The following RSPO2 variants were observed in gnomAD, a reference collection of about 807,000 sequenced individuals.
RSPO2 encodes the protein R-spondin-2.
A neutral mutation model predicts 30.9 loss-of-function variants in RSPO2; 14 were observed. That is an observed-to-expected ratio of 0.45 (90% confidence interval 0.30 to 0.71). The LOEUF is 0.71. RSPO2 is among the 30% of genes least tolerant of loss of function. RSPO2 has a pLI of 0.08. For synonymous variants in RSPO2, 107 were observed against 96.4 expected, an observed-to-expected ratio of 1.11 and a Z score of -0.64; for missense variants, 264 against 301.9, an observed-to-expected ratio of 0.87 and a Z score of 0.93.
At chr8:107,975,521 C>T (rs146397773) in intron 3 of RSPO2, among the ~76,000 whole-genome samples, 15 of 152,322 alleles carry the variant, frequency 9.8e-5, no homozygotes, top group African/African-American at 2.9e-4. Context: ...AGGACTTAGC[C>T]CCCAAAGTGC....
At chr8:108,013,414 A>C (rs1355927901) in intron 2 of RSPO2, among the ~76,000 whole-genome samples, 3 of 152,194 alleles carry the variant, frequency 2.0e-5, no homozygotes, top group African/African-American at 4.8e-5. Context: ...AGTAGAGATT[A>C]GTATTAGTAG....
intron 2 of RSPO2, among the ~76,000 whole-genome samples, chr8:108,070,920 A>C (rs1812826894): frequency 6.6e-6 from 1 of 152,244 alleles, no homozygotes; most frequent in Non-Finnish European, 1.5e-5. Flanking sequence ...TTTCAAAAAT[A>C]AATCACATTC....
chr8:108,017,270 G>A (rs1186002271), intron 2 of RSPO2, among the ~76,000 whole-genome samples: 1 of 152,100 alleles, frequency 6.6e-6, no homozygotes, highest in Non-Finnish European at 1.5e-5. Context: ...GCCTGCCTCG[G>A]CCTCTCAAAG....
At chr8:107,922,561 CA>C (rs1812209045) in intron 5 of RSPO2, among the ~76,000 whole-genome samples, 1 of 151,990 alleles carries the variant, frequency 6.6e-6, no homozygotes, top group Non-Finnish European at 1.5e-5. Context: ...ATCAAACTAC[CA>C]ATGACATTTT....
At chr8:107,987,020 A>C (rs1326785170) in intron 3 of RSPO2, among the ~76,000 whole-genome samples, 1 of 152,196 alleles carries the variant, frequency 6.6e-6, no homozygotes, top group Non-Finnish European at 1.5e-5. Context: ...TTTAAATATT[A>C]ATCCAAACAA....
At chr8:108,029,178 ATGT>A (rs1228289435) in intron 2 of RSPO2, among the ~76,000 whole-genome samples, 1 of 144,174 alleles carries the variant, frequency 6.9e-6, no homozygotes, top group Non-Finnish European at 1.5e-5. Context: ...TTTAAGTAAA[ATGT>A]TGTTATCTGA....
chr8:108,013,447 A>T (rs970767457), intron 2 of RSPO2, among the ~76,000 whole-genome samples: 2 of 152,136 alleles, frequency 1.3e-5, no homozygotes, highest in Admixed American at 1.3e-4. Context: ...CCTGCTGCAT[A>T]CTCTTTCAAA....
At chr8:108,013,505 A>G (rs184244354) in intron 2 of RSPO2, among the ~76,000 whole-genome samples, 1 of 152,342 alleles carries the variant, frequency 6.6e-6, no homozygotes. Flanking sequence ...AAACAGATAT[A>G]TAGGCCAAAG....
At position 107,902,796 on chromosome 8, in the gene RSPO2, CTT is replaced by C. The variant is rs1362206694; in HGVS notation, c.617-1608_617-1607del. Reference sequence around the variant, plus strand: ...AAGAAAAAAAGATTTAAAAGAATAACTTATGTTTAATAGGACATTGCATTAAA... The same window carrying C: ...AAGAAAAAAAGATTTAAAAGAATAACATGTTTAATAGGACATTGCATTAAA... On this transcript the variant is annotated intron_variant, in intron 5 of 5. Transcript: ENST00000276659. Among the ~76,000 whole-genome samples, 9 of 152,118 alleles carry C rather than the reference CTT, an allele frequency of 5.9e-5. No individual in the cohort carries two copies. In the East Asian group the frequency reaches 1.7e-3, roughly 29 times the overall value.
intron 2 of RSPO2, among the ~76,000 whole-genome samples, chr8:108,002,206 C>A (rs17319514): frequency 0.014 from 2,119 of 152,176 alleles, 23 homozygotes; most frequent in Non-Finnish European, 0.023. Flanking sequence ...TAATGGTAAC[C>A]CCAGCATGAG....
At chr8:108,016,567 A>G (rs960169133) in intron 2 of RSPO2, among the ~76,000 whole-genome samples, 6 of 152,254 alleles carry the variant, frequency 3.9e-5, no homozygotes, top group African/African-American at 1.4e-4. Flanking sequence ...AGAGAAAACA[A>G]TAACTATATA....
chr8:108,020,857 T>G lies in RSPO2; in HGVS notation c.95-31613A>C, dbSNP rs80190008. On this transcript the variant is annotated intron_variant, in intron 2 of 5. Coordinates refer to ENST00000276659, the MANE Select transcript of RSPO2 (RefSeq NM_178565.5). ...TTCTATTTCTATATTTGTTACATTA[T>G]AAAATTACCTAGCTATATGTATGTC... Among the ~76,000 whole-genome samples the G allele has an allele frequency of 4.0e-3, 608 of 152,282 alleles. 4 individuals are homozygous for G. The highest frequency in any genetic ancestry group is 0.014 in the Middle Eastern group (4 of 294).
chr8:108,079,668 G>T (rs1813126419), intron 2 of RSPO2, among the ~76,000 whole-genome samples: 1 of 150,750 alleles, frequency 6.6e-6, no homozygotes, highest in Non-Finnish European at 1.5e-5. Flanking sequence ...GCTCCACAGT[G>T]AAGGTTTGAT....
chr8:108,052,487 A>T (rs1812105359), intron 2 of RSPO2, among the ~76,000 whole-genome samples: 1 of 152,236 alleles, frequency 6.6e-6, no homozygotes, highest in South Asian at 2.1e-4. Context: ...TTACTTTAGT[A>T]ATTCACTGGA....
At chr8:108,014,858 AG>A (rs1459987079) in intron 2 of RSPO2, among the ~76,000 whole-genome samples, 2 of 151,582 alleles carry the variant, frequency 1.3e-5, no homozygotes, top group Non-Finnish European at 2.9e-5. Context: ...AAAAAAAAAA[AG>A]AAAAAAAATT....
chr8:107,953,791 T>C (rs118058716), intron 5 of RSPO2, among the ~76,000 whole-genome samples: 1,524 of 152,126 alleles, frequency 0.01, 14 homozygotes, highest in Non-Finnish European at 0.015. Context: ...TCAAGGATGC[T>C]CCAAAAAAAA....
chr8:107,921,502 T>G (rs1489864103), intron 5 of RSPO2, among the ~76,000 whole-genome samples: 2 of 152,046 alleles, frequency 1.3e-5, no homozygotes, highest in East Asian at 3.9e-4. Context: ...ACTATCAACT[T>G]AGATTTGTAT....
At chr8:107,983,044 T>G in intron 3 of RSPO2, 1 of 1,100,568 alleles carries the variant, frequency 9.1e-7, no homozygotes, top group Non-Finnish European at 1.3e-6. Flanking sequence ...TGTGTCACGC[T>G]CCCCTGCAGT....
At chr8:107,999,766 AAGTT>A (rs1486382175) in intron 2 of RSPO2, among the ~76,000 whole-genome samples, 1 of 152,038 alleles carries the variant, frequency 6.6e-6, no homozygotes, top group Non-Finnish European at 1.5e-5. Flanking sequence ...TTGGGGGAGA[AAGTT>A]AGAGTCACAG....
Sources: gnomAD v4.1 joint callset for allele counts (sites outside exome capture counted in the v4.1 genomes callset) on GRCh38, gnomAD v4.1.1 for gene constraint, MANE v1.5 for transcripts, NCBI Gene and HGNC (gene_info 2026-07-23, HGNC 2026-07-21) for gene names.